ZBTB20: variants seen among roughly 807,000 people sequenced by gnomAD.
ZBTB20 encodes the protein zinc finger and BTB domain containing 20.
Under a neutral mutation model 56.9 loss-of-function variants are expected in ZBTB20, and 9 were observed. The ratio of observed to expected loss-of-function variants is 0.16; its 90% CI spans 0.10 to 0.28. The LOEUF (loss-of-function observed/expected upper bound fraction) is 0.28, where lower values mean the gene tolerates loss of function less well. ZBTB20 is among the 10% of genes least tolerant of loss of function. The pLI, the probability that ZBTB20 is intolerant of heterozygous loss-of-function variation, is 1.00. For missense variants in ZBTB20, 655 were observed against 1,003.0 expected (o/e 0.65, Z 4.69); for synonymous variants, 417 against 420.7 (o/e 0.99, Z 0.11).
intron 1 of ZBTB20, among the ~76,000 whole-genome samples, chr3:115,107,411 C>T (rs1032199510): frequency 2.8e-5 from 4 of 143,870 alleles, no homozygotes; most frequent in Non-Finnish European, 6.0e-5. Flanking sequence ...CAGAGTGAGA[C>T]TGTGTCAAAA....
chr3:115,028,524 C>T (rs1449860527), intron 2 of ZBTB20, among the ~76,000 whole-genome samples: 2 of 150,476 alleles, frequency 1.3e-5, no homozygotes, highest in East Asian at 1.9e-4. Context: ...AATGTAGTCA[C>T]AAGAAAATTT....
chr3:115,021,887 T>A (rs1401400914), intron 2 of ZBTB20, among the ~76,000 whole-genome samples: 1 of 150,828 alleles, frequency 6.6e-6, no homozygotes, highest in Non-Finnish European at 1.5e-5. Flanking sequence ...AAAATTTGAA[T>A]GGAGACATTT....
In ZBTB20 at chr3:114,685,461, G is replaced by T. The variant is rs748605625; in HGVS notation, c.-295+8067C>A. ...AAAATGAAACTGCTGGAGTGAAGCAGCCCTCGGCAGGTTTCACTCTTGTAG... is the reference window on the plus strand; with the variant it reads ...AAAATGAAACTGCTGGAGTGAAGCATCCCTCGGCAGGTTTCACTCTTGTAG... On this transcript the variant is annotated intron_variant, in intron 6 of 11. Transcript: ENST00000675478. Among the ~76,000 whole-genome samples, 30 of 152,216 alleles carry T rather than the reference G, an allele frequency of 2.0e-4. 1 individual carries two copies. The highest frequency in any genetic ancestry group is 2.5e-4 in the Non-Finnish European group (17 of 68,038).
chr3:114,442,497 G>C (rs1265445315), intron 7 of ZBTB20, among the ~76,000 whole-genome samples: 1 of 152,108 alleles, frequency 6.6e-6, no homozygotes, highest in Non-Finnish European at 1.5e-5. Context: ...TGCACACACA[G>C]AAATCTGCAA....
At chr3:114,430,503 T>C (rs954859921) in intron 7 of ZBTB20, among the ~76,000 whole-genome samples, 3 of 152,240 alleles carry the variant, frequency 2.0e-5, no homozygotes, top group Non-Finnish European at 2.9e-5. Context: ...ATCTACTATA[T>C]GATGCTAAGT....
At chr3:114,650,217 A>G (rs1340618589) in intron 6 of ZBTB20, among the ~76,000 whole-genome samples, 1 of 131,698 alleles carries the variant, frequency 7.6e-6, no homozygotes, top group African/African-American at 3.8e-5. Context: ...ACTCGTTTAT[A>G]TAAAGCATTA....
At chr3:115,117,516 G>C (rs2084054075) in intron 1 of ZBTB20, among the ~76,000 whole-genome samples, 1 of 151,864 alleles carries the variant, frequency 6.6e-6, no homozygotes, top group Non-Finnish European at 1.5e-5. Flanking sequence ...AGTTTGCCTA[G>C]GTATTATTAA....
At chr3:114,511,147 GA>G (rs1215637984) in intron 6 of ZBTB20, among the ~76,000 whole-genome samples, 2 of 149,840 alleles carry the variant, frequency 1.3e-5, no homozygotes, top group Non-Finnish European at 3.0e-5. Context: ...GTATAGTATA[GA>G]GTGGTTTTTG....
chr3:115,050,447 A>G (rs2081503167), intron 2 of ZBTB20, among the ~76,000 whole-genome samples: 1 of 151,988 alleles, frequency 6.6e-6, no homozygotes. Flanking sequence ...TGATAAATAC[A>G]TGATTAAGTG....
At chr3:114,534,355 C>G (rs1258450547) in intron 6 of ZBTB20, among the ~76,000 whole-genome samples, 3 of 152,072 alleles carry the variant, frequency 2.0e-5, no homozygotes, top group African/African-American at 7.2e-5. Context: ...TCTGATAAAA[C>G]AGATTTTAAA....
chr3:114,603,712 C>T (rs982900625), intron 6 of ZBTB20, among the ~76,000 whole-genome samples: 12 of 151,474 alleles, frequency 7.9e-5, no homozygotes, highest in African/African-American at 2.4e-4. Flanking sequence ...ACTAACAACC[C>T]AATAGAAAGA....
intron 2 of ZBTB20, among the ~76,000 whole-genome samples, chr3:115,062,449 A>G (rs1461920139): frequency 6.6e-6 from 1 of 152,200 alleles, no homozygotes; most frequent in Admixed American, 6.5e-5. Context: ...AAGGAGAAAT[A>G]TCCCCCCTTT....
intron 3 of ZBTB20, among the ~76,000 whole-genome samples, chr3:114,913,638 T>G (rs1454774417): frequency 6.6e-6 from 1 of 151,976 alleles, no homozygotes; most frequent in African/African-American, 2.4e-5. Flanking sequence ...TTATGGGGTA[T>G]TAAGAAATAT....
chr3:114,848,130 A>G (rs2074809403), intron 4 of ZBTB20, among the ~76,000 whole-genome samples: 1 of 152,196 alleles, frequency 6.6e-6, no homozygotes, highest in Non-Finnish European at 1.5e-5. Flanking sequence ...GTGCTGCCAG[A>G]GCCCCGCGTG....
At chr3:114,664,447 A>G (rs1578225041) in intron 6 of ZBTB20, among the ~76,000 whole-genome samples, 1 of 152,156 alleles carries the variant, frequency 6.6e-6, no homozygotes. Flanking sequence ...TACTGTATCA[A>G]CCTGTCACTA....
At chr3:114,499,285 T>C (rs966165764) in intron 7 of ZBTB20, among the ~76,000 whole-genome samples, 3 of 152,182 alleles carry the variant, frequency 2.0e-5, no homozygotes, top group Non-Finnish European at 4.4e-5. Context: ...AAATAAACTG[T>C]CACGTTACAC....
chr3:114,585,717 GCT>G (rs2055114375), intron 6 of ZBTB20, among the ~76,000 whole-genome samples: 1 of 152,176 alleles, frequency 6.6e-6, no homozygotes, highest in Non-Finnish European at 1.5e-5. Flanking sequence ...CCAGTGCTCT[GCT>G]CTGTTAGGGT....
At position 114,844,520 on chromosome 3, in the gene ZBTB20, C is replaced by CAAAAAAAAAAAAAAAAAAAA. The variant is rs71146342; in HGVS notation, c.-416-43366_-416-43347dup. ...TGGTTGACAGAGCAAGTCCCTGTCT[C>CAAAAAAAAAAAAAAAAAAAA]AAAAAAAAAAAAAAAAAAAAAAAAA... On this transcript the variant is annotated intron_variant, in intron 4 of 11. Coordinates refer to ENST00000675478, the MANE Select transcript of ZBTB20 (RefSeq NM_001348800.3). 1.3e-4 allele frequency among the ~76,000 whole-genome samples: 3 copies of CAAAAAAAAAAAAAAAAAAAA among 22,804 alleles called. 1 individual carries two copies. The highest frequency in any genetic ancestry group is 2.0e-4 in the Non-Finnish European group (3 of 15,306). 15.0% of individuals were successfully genotyped at this position (22,804 alleles called of 152,430 possible). A position where few individuals can be genotyped will look rare whatever the true frequency, so the allele number is the denominator to read the frequency against.
rs2078627542 is a variant in ZBTB20, at chr3:114,315,062, A to G, written c.*23943T>C. 1 of 152,140 alleles carries G rather than the reference A, an allele frequency of 6.6e-6. No homozygotes were observed. Among genetic ancestry groups the G allele is most frequent in the Non-Finnish European group, 1.5e-5 (1 of 68,026 alleles). 9.4% of individuals were successfully genotyped at this position (152,140 alleles called of 1,614,324 possible). A position where few individuals can be genotyped will look rare whatever the true frequency, so the allele number is the denominator to read the frequency against. On this transcript the variant is annotated 3_prime_UTR_variant, in exon 12 of 12. Transcript: ENST00000675478. ...GTTTGTTTGTTTGATAACTGACAACAATTTAAGAGTATAATGAGAAAAAAA... is the reference window on the plus strand; with the variant it reads ...GTTTGTTTGTTTGATAACTGACAACGATTTAAGAGTATAATGAGAAAAAAA...
Sources: allele counts gnomAD v4.1 joint callset (sites outside exome capture counted in the v4.1 genomes callset), GRCh38; gene constraint gnomAD v4.1.1; transcripts MANE v1.5; gene names NCBI Gene and HGNC (gene_info 2026-07-23, HGNC 2026-07-21).